ROBO2: variants seen among roughly 807,000 people sequenced by gnomAD.
ROBO2 encodes roundabout homolog 2.
A neutral mutation model predicts 160.8 loss-of-function variants in ROBO2; 53 were observed. That is an observed-to-expected ratio of 0.33 (90% CI 0.26 to 0.41). The LOEUF (loss-of-function observed/expected upper bound fraction) is 0.41, where lower values mean the gene tolerates loss of function less well. ROBO2 is among the 10% of genes least tolerant of loss of function. The pLI, the probability that ROBO2 is intolerant of heterozygous loss-of-function variation, is 1.00. For synonymous variants in ROBO2, 664 were observed against 611.7 expected, an observed-to-expected ratio of 1.09 and a Z score of -1.26; for missense variants, 1,577 against 1,722.4, an observed-to-expected ratio of 0.92 and a Z score of 1.49.
At chr3:76,115,646 C>T (rs1251333103) in intron 2 of ROBO2, among the ~76,000 whole-genome samples, 1 of 152,116 alleles carries the variant, frequency 6.6e-6, no homozygotes, top group Admixed American at 6.6e-5. Flanking sequence ...AATAGTATAT[C>T]TAGCATTGTT....
intron 2 of ROBO2, among the ~76,000 whole-genome samples, chr3:76,660,339 C>T (rs531138843): frequency 2.6e-5 from 4 of 152,222 alleles, no homozygotes; most frequent in South Asian, 2.1e-4. Context: ...GTGACCCAGT[C>T]GAAGAGTATA....
At chr3:76,857,407 G>A (rs2070242748) in intron 2 of ROBO2, among the ~76,000 whole-genome samples, 1 of 152,088 alleles carries the variant, frequency 6.6e-6, no homozygotes, top group Non-Finnish European at 1.5e-5. Flanking sequence ...ACATACTGAA[G>A]AAAAATCTAA....
intron 2 of ROBO2, among the ~76,000 whole-genome samples, chr3:77,267,612 G>C (rs2059214727): frequency 1.3e-5 from 2 of 152,172 alleles, no homozygotes; most frequent in South Asian, 4.1e-4. Context: ...GGGCAGCAGT[G>C]AAGAAAAATA....
chr3:77,169,360 T>C (rs545578961), intron 2 of ROBO2, among the ~76,000 whole-genome samples: 1 of 152,274 alleles, frequency 6.6e-6, no homozygotes, highest in Middle Eastern at 3.4e-3. Flanking sequence ...ATTTGTCAAG[T>C]TTTAGTAAGC....
intron 2 of ROBO2, among the ~76,000 whole-genome samples, chr3:76,838,227 C>T (rs1298548452): frequency 6.6e-6 from 1 of 151,900 alleles, no homozygotes; most frequent in Non-Finnish European, 1.5e-5. Flanking sequence ...CTGGGGTTTA[C>T]TTGAGAGTGG....
rs376871549 is a variant in ROBO2, at chr3:76,645,836, A to G, written c.110-452178A>G. Among the ~76,000 whole-genome samples the G allele has an allele frequency of 5.3e-5, 8 of 152,194 alleles. No homozygotes were observed. The South Asian group carries it at 1.4e-3, about 28-fold the overall frequency. ...AAAAGGCTTACAATTACTTTCAACA[A>G]TTACTACAGTATGTATTTTTTATTC... On this transcript the variant is annotated intron_variant, in intron 2 of 26. Coordinates refer to the ROBO2 transcript ENST00000487694.
At chr3:75,993,119 G>C (rs2065622074) in intron 2 of ROBO2, among the ~76,000 whole-genome samples, 2 of 152,286 alleles carry the variant, frequency 1.3e-5, no homozygotes, top group South Asian at 4.1e-4. Flanking sequence ...GACTTTGGGG[G>C]ACTGTTGGGA....
intron 2 of ROBO2, among the ~76,000 whole-genome samples, chr3:75,940,699 C>A (rs1948013183): frequency 6.6e-6 from 1 of 152,054 alleles, no homozygotes; most frequent in African/African-American, 2.4e-5. Context: ...TGTATTTTGT[C>A]TTTTTGGTAA....
At chr3:76,626,875 G>A (rs55951531) in intron 2 of ROBO2, among the ~76,000 whole-genome samples, 91,393 of 151,668 alleles carry the variant, frequency 0.6, 27,704 homozygotes, top group East Asian at 0.73. Context: ...GTATTTTAGT[G>A]GAGACGAAGT....
At chr3:77,221,697 C>A (rs2085813259) in intron 2 of ROBO2, among the ~76,000 whole-genome samples, 1 of 152,048 alleles carries the variant, frequency 6.6e-6, no homozygotes, top group Admixed American at 6.6e-5. Context: ...TATGTAAAAA[C>A]TTGGCAGTTT....
intron 2 of ROBO2, among the ~76,000 whole-genome samples, chr3:76,689,323 T>C (rs760843522): frequency 1.3e-5 from 2 of 152,126 alleles, no homozygotes; most frequent in Non-Finnish European, 2.9e-5. Context: ...TGAAGCTTAA[T>C]ATTTATCAGA....
intron 2 of ROBO2, among the ~76,000 whole-genome samples, chr3:75,963,232 G>T (rs916086051): frequency 4.0e-4 from 60 of 151,614 alleles, no homozygotes; most frequent in African/African-American, 1.4e-3. Context: ...CTGTCACCCC[G>T]GGTGGAGTGC....
At chr3:76,313,471 T>C (rs1331853450) in intron 2 of ROBO2, among the ~76,000 whole-genome samples, 1 of 152,184 alleles carries the variant, frequency 6.6e-6, no homozygotes, top group Non-Finnish European at 1.5e-5. Flanking sequence ...AGGATCTTCA[T>C]TTATTATTTT....
At chr3:76,283,050 G>A (rs1466297992) in intron 2 of ROBO2, among the ~76,000 whole-genome samples, 2 of 133,022 alleles carry the variant, frequency 1.5e-5, no homozygotes, top group Admixed American at 7.9e-5. Flanking sequence ...TCTGAGCCAA[G>A]TTGTTTCATT....
chr3:77,318,852 A>C (rs972302355), intron 2 of ROBO2, among the ~76,000 whole-genome samples: 7 of 152,182 alleles, frequency 4.6e-5, no homozygotes, highest in Admixed American at 1.3e-4. Flanking sequence ...ATTTTATATA[A>C]ATCGATGTCA....
intron 2 of ROBO2, among the ~76,000 whole-genome samples, chr3:76,274,308 C>A (rs1443131709): frequency 6.6e-6 from 1 of 151,460 alleles, no homozygotes; most frequent in Non-Finnish European, 1.5e-5. Context: ...ATGTAACTAA[C>A]CTGCACGTTG....
chr3:76,886,689 A>G (rs959545686), intron 2 of ROBO2, among the ~76,000 whole-genome samples: 1 of 152,164 alleles, frequency 6.6e-6, no homozygotes. Flanking sequence ...ACTAGAAATC[A>G]GGATGACTAG....
chr3:77,642,013 G>C (rs576664409), intron 24 of ROBO2, among the ~76,000 whole-genome samples: 2 of 151,982 alleles, frequency 1.3e-5, no homozygotes, highest in Admixed American at 6.5e-5. Flanking sequence ...TCTGAACATT[G>C]GTTATTACTT....
intron 2 of ROBO2, among the ~76,000 whole-genome samples, chr3:76,504,924 A>G (rs2080714130): frequency 1.3e-5 from 2 of 152,098 alleles, no homozygotes; most frequent in Admixed American, 1.3e-4. Context: ...AAGAGTTCAT[A>G]TTGTTTCAAA....
Sources: allele counts gnomAD v4.1 joint callset (sites outside exome capture counted in the v4.1 genomes callset), GRCh38; gene constraint gnomAD v4.1.1; transcripts MANE v1.5; gene names NCBI Gene and HGNC (gene_info 2026-07-23, HGNC 2026-07-21).